PID1: variants seen among roughly 807,000 people sequenced by gnomAD.
PID1 encodes phosphotyrosine interaction domain containing 1.
Under a neutral mutation model 19.1 loss-of-function variants are expected in PID1, and 10 were observed. The observed-to-expected ratio is 0.52, with a 90% CI of 0.32 to 0.89. The LOEUF is 0.89. Among genes scored for constraint, PID1 ranks in the 40% least tolerant of loss-of-function variants. The pLI, the probability that PID1 is intolerant of heterozygous loss-of-function variation, is 0.03. For missense variants in PID1, 248 were observed against 285.3 expected (o/e 0.87, Z 0.94); for synonymous variants, 130 against 116.0 (o/e 1.12, Z -0.78).
intron 1 of PID1, among the ~76,000 whole-genome samples, chr2:229,219,222 G>A (rs944103622): frequency 1.3e-5 from 2 of 152,084 alleles, no homozygotes; most frequent in Non-Finnish European, 1.5e-5. Flanking sequence ...AGATACACCC[G>A]AGACGCGAGA....
At chr2:229,227,928 T>A (rs1256076711) in intron 1 of PID1, 1 of 455,480 alleles carries the variant, frequency 2.2e-6, no homozygotes, top group African/African-American at 2.0e-5. Flanking sequence ...TGTGCATCAG[T>A]TGTATGCAAA....
intron 1 of PID1, among the ~76,000 whole-genome samples, chr2:229,169,036 C>T (rs1362440894): frequency 1.3e-5 from 2 of 152,186 alleles, no homozygotes; most frequent in African/African-American, 4.8e-5. Flanking sequence ...GAAGGTCCCT[C>T]TCCTCACTCT....
At position 229,035,358 on chromosome 2, in the gene PID1, T is replaced by C. The variant is rs192517765; in HGVS notation, c.178-9250A>G. Among the ~76,000 whole-genome samples the C allele has an allele frequency of 4.0e-4, 61 of 152,222 alleles. No individual in the cohort carries two copies. In the East Asian group the frequency reaches 9.1e-3, roughly 23 times the overall value. On this transcript the variant is annotated intron_variant, in intron 2 of 2. Transcript: ENST00000392055. ...TCCCTGGATCTCCTGTCTGCCCACC[T>C]TCCCTTAAAATGTTGGGACTCGCCA...
chr2:229,202,713 A>T (rs1341723811), intron 1 of PID1, among the ~76,000 whole-genome samples: 2 of 152,128 alleles, frequency 1.3e-5, no homozygotes, highest in Admixed American at 1.3e-4. Context: ...CAAAGTACAT[A>T]AAATGGCATT....
Position 229,172,091 on chromosome 2 carries a change from C to T in PID1, c.31-16127G>A, listed in dbSNP as rs1023140074. ...CTAGGCTCGTCTCAGCAAATTACAA[C>T]AGCAGAAAGGGCTCCTTCCCGCCAG... On this transcript the variant is annotated intron_variant, in intron 1 of 2. Coordinates refer to ENST00000392055, the MANE Select transcript of PID1 (RefSeq NM_001100818.2). 6.6e-5 allele frequency among the ~76,000 whole-genome samples: 10 copies of T among 152,294 alleles called. No homozygotes were observed. In the South Asian group the frequency reaches 1.9e-3, roughly 28 times the overall value.
chr2:229,230,286 G>C (rs1692176075), intron 1 of PID1, among the ~76,000 whole-genome samples: 1 of 151,730 alleles, frequency 6.6e-6, no homozygotes, highest in Admixed American at 6.6e-5. Context: ...CCATTAGAAA[G>C]AAAGAAACGA....
chr2:229,211,056 T>C (rs964372763), intron 1 of PID1, among the ~76,000 whole-genome samples: 1 of 152,196 alleles, frequency 6.6e-6, no homozygotes, highest in Non-Finnish European at 1.5e-5. Context: ...AAATATTTAC[T>C]GTGGCAATGT....
At chr2:229,027,860 C>T (rs367897893) in intron 2 of PID1, among the ~76,000 whole-genome samples, 32 of 152,270 alleles carry the variant, frequency 2.1e-4, no homozygotes, top group African/African-American at 7.2e-4. Flanking sequence ...TTTGCAGGAT[C>T]GCCCCACATG....
chr2:229,137,282 T>C (rs562554876), intron 2 of PID1, among the ~76,000 whole-genome samples: 5 of 152,350 alleles, frequency 3.3e-5, no homozygotes, highest in African/African-American at 1.2e-4. Flanking sequence ...TCAAATGCGC[T>C]ACACTCATTT....
intron 2 of PID1, among the ~76,000 whole-genome samples, chr2:229,050,410 CCTTGTTCTGTGGTGAAA>C (rs2106183257): frequency 6.6e-6 from 1 of 152,288 alleles, no homozygotes; most frequent in African/African-American, 2.4e-5. Context: ...GCAGCAAACC[CCTTGTTCTGTGGTGAAA>C]CAGACGCTAC....
At chr2:229,181,612 T>C (rs1272747224) in intron 1 of PID1, among the ~76,000 whole-genome samples, 1 of 152,248 alleles carries the variant, frequency 6.6e-6, no homozygotes, top group East Asian at 1.9e-4. Context: ...AAGGCTTTTC[T>C]ACTGATAATC....
intron 1 of PID1, among the ~76,000 whole-genome samples, chr2:229,251,944 T>TAAAAAAAAAA (rs11284650): frequency 2.9e-4 from 21 of 71,432 alleles, no homozygotes; most frequent in Admixed American, 4.3e-4. Context: ...AACCATAAGC[T>TAAAAAAAAAA]AAAAAAAAAA....
chr2:229,216,881 A>T (rs1691858802), intron 1 of PID1, among the ~76,000 whole-genome samples: 1 of 150,694 alleles, frequency 6.6e-6, no homozygotes, highest in Non-Finnish European at 1.5e-5. Context: ...TTATATATAC[A>T]TATATTTTTT....
chr2:229,118,486 C>A (rs906392749), intron 2 of PID1, among the ~76,000 whole-genome samples: 1 of 152,162 alleles, frequency 6.6e-6, no homozygotes, highest in Non-Finnish European at 1.5e-5. Context: ...TGAGACTACA[C>A]GTGAGTCATT....
chr2:229,229,186 C>G lies in PID1; in HGVS notation c.30+41828G>C, dbSNP rs115972440. 9.2e-3 allele frequency among the ~76,000 whole-genome samples: 1,399 copies of G among 152,178 alleles called. 5 individuals are homozygous for G. The highest frequency in any genetic ancestry group is 0.015 in the Non-Finnish European group (1,002 of 67,992). On this transcript the variant is annotated intron_variant, in intron 1 of 2. Transcript: ENST00000392055. ...GTAAGTGAATGAAGGAATAAATGACCGGCAATAAAGTCCACCCTTGGCTCT... is the reference window on the plus strand; with the variant it reads ...GTAAGTGAATGAAGGAATAAATGACGGGCAATAAAGTCCACCCTTGGCTCT...
rs755043457 is a variant in PID1 at position 229,184,788 on chromosome 2, ATATATATATATCCCG to A, written c.31-28839_31-28825del. On this transcript the variant is annotated intron_variant, in intron 1 of 2. Transcript: ENST00000392055. ...TATCCCGTATATATATATCCCGTAT[ATATATATATATCCCG>A]TATATATATATCCCGTATATATATA... Among the ~76,000 whole-genome samples, 2 of 3,416 alleles carry A rather than the reference ATATATATATATCCCG, an allele frequency of 5.9e-4. 1 individual carries two copies. The highest frequency in any genetic ancestry group is 1.6e-3 in the African/African-American group (2 of 1,252). The allele number at this position is 3,416 out of a possible 152,430, so 2.2% of individuals were successfully genotyped here. A position where few individuals can be genotyped will look rare whatever the true frequency, so the allele number is the denominator to read the frequency against.
chr2:229,062,703 A>G (rs916440699), intron 2 of PID1, among the ~76,000 whole-genome samples: 1 of 151,926 alleles, frequency 6.6e-6, no homozygotes, highest in African/African-American at 2.4e-5. Flanking sequence ...GTTTAAAAAT[A>G]TTGGTATTAG....
intron 2 of PID1, among the ~76,000 whole-genome samples, chr2:229,136,685 A>G (rs761085838): frequency 5.9e-5 from 9 of 152,214 alleles, no homozygotes; most frequent in Non-Finnish European, 1.2e-4. Flanking sequence ...TTTGATTTCA[A>G]TCTATTGACT....
intron 2 of PID1, among the ~76,000 whole-genome samples, chr2:229,127,321 G>T (rs1402940319): frequency 6.6e-6 from 1 of 151,992 alleles, no homozygotes; most frequent in Non-Finnish European, 1.5e-5. Context: ...TTTTTTCAGG[G>T]ATCCAAAACT....
Sources: allele counts gnomAD v4.1 joint callset (sites outside exome capture counted in the v4.1 genomes callset), GRCh38; gene constraint gnomAD v4.1.1; transcripts MANE v1.5; gene names NCBI Gene and HGNC (gene_info 2026-07-23, HGNC 2026-07-21).